Variants in CCDC91 observed in about 807,000 individuals in gnomAD.
CCDC91 encodes coiled-coil domain containing 91.
In CCDC91, 48 loss-of-function variants were observed where a neutral mutation model predicts 63.2. That is an observed-to-expected ratio of 0.76 (90% CI 0.60 to 0.97). The LOEUF (loss-of-function observed/expected upper bound fraction) is 0.97. CCDC91 is among the 50% of genes least tolerant of loss of function. The pLI, the probability that CCDC91 is intolerant of heterozygous loss-of-function variation, is 0.00. For synonymous variants in CCDC91, 167 were observed against 165.8 expected, an observed-to-expected ratio of 1.01 and a Z score of -0.06; for missense variants, 500 against 494.6, an observed-to-expected ratio of 1.01 and a Z score of -0.10.
At chr12:28,402,074 C>G (rs1411498919) in intron 8 of CCDC91, among the ~76,000 whole-genome samples, 2 of 152,010 alleles carry the variant, frequency 1.3e-5, no homozygotes, top group East Asian at 1.9e-4. Flanking sequence ...TCTAGTATTT[C>G]TCAGCATTGG....
At chr12:28,325,271 A>G (rs1314901061) in intron 6 of CCDC91, among the ~76,000 whole-genome samples, 1 of 152,086 alleles carries the variant, frequency 6.6e-6, no homozygotes, top group African/African-American at 2.4e-5. Context: ...TTATGTAAGA[A>G]AAAGTTGCTC....
In CCDC91 at chr12:28,476,663, A is replaced by G. The variant is rs200997870; in HGVS notation, c.1102-7389A>G. Among the ~76,000 whole-genome samples the G allele has an allele frequency of 2.6e-5, 4 of 152,302 alleles. No homozygotes were observed. The East Asian group carries it at 5.8e-4, about 22-fold the overall frequency. On this transcript the variant is annotated intron_variant, in intron 11 of 12. Transcript: ENST00000536442. Reference sequence around the variant, plus strand: ...ATAGAAACACAAAAAACCCTTCAAAAAATCAATGCATCCAGGAGCTTGTTT... The same window carrying G: ...ATAGAAACACAAAAAACCCTTCAAAGAATCAATGCATCCAGGAGCTTGTTT...
At chr12:28,213,797 T>C (rs2135552562) in intron 1 of CCDC91, among the ~76,000 whole-genome samples, 1 of 152,250 alleles carries the variant, frequency 6.6e-6, no homozygotes, top group South Asian at 2.1e-4. Flanking sequence ...AATTGACTGG[T>C]CTTAAGATGG....
intron 1 of CCDC91, among the ~76,000 whole-genome samples, chr12:28,255,207 G>GGT (rs1946367637): frequency 6.6e-6 from 1 of 151,978 alleles, no homozygotes. Flanking sequence ...GTTAGATGTG[G>GGT]GTATTTGTTT....
At chr12:28,350,856 TATAAGGGAATCAGTC>T (rs1470885928) in intron 6 of CCDC91, among the ~76,000 whole-genome samples, 1 of 152,150 alleles carries the variant, frequency 6.6e-6, no homozygotes, top group Non-Finnish European at 1.5e-5. Context: ...TCTTTTCTCT[TATAAGGGAATCAGTC>T]ATTGAATTTA....
Position 28,467,773 on chromosome 12 carries a change from GA to G in CCDC91, c.1101+15121del, listed in dbSNP as rs561042700. Among the ~76,000 whole-genome samples, 24 of 151,998 alleles carry G rather than the reference GA, an allele frequency of 1.6e-4. 1 individual carries two copies. Among genetic ancestry groups the G allele is most frequent in the Middle Eastern group, 3.4e-3 (1 of 294 alleles). On this transcript the variant is annotated intron_variant, in intron 11 of 12. Transcript: ENST00000536442. ...TAATATCAAGCATCTTCTCTGACCA[GA>G]ATGGAATAAAACTAGAAATCAATAA...
intron 3 of CCDC91, among the ~76,000 whole-genome samples, chr12:28,260,345 A>G (rs371737577): frequency 6.6e-6 from 1 of 151,986 alleles, no homozygotes; most frequent in African/African-American, 2.4e-5. Flanking sequence ...TATAATTTCA[A>G]TAGGCAGATA....
intron 7 of CCDC91, among the ~76,000 whole-genome samples, chr12:28,376,554 G>T (rs1433168435): frequency 3.3e-5 from 5 of 151,752 alleles, no homozygotes; most frequent in Admixed American, 6.6e-5. Flanking sequence ...TATAGTGCAG[G>T]ATTGGTATAA....
intron 11 of CCDC91, among the ~76,000 whole-genome samples, chr12:28,471,440 C>A (rs749512421): frequency 2.6e-5 from 4 of 152,026 alleles, no homozygotes; most frequent in Non-Finnish European, 5.9e-5. Context: ...AAAGGGTAAA[C>A]CAAGAAGAAA....
At chr12:28,366,077 CTT>C (rs1484533688) in intron 7 of CCDC91, among the ~76,000 whole-genome samples, 2 of 152,024 alleles carry the variant, frequency 1.3e-5, no homozygotes, top group Non-Finnish European at 2.9e-5. Flanking sequence ...AGGAAGATAA[CTT>C]ATGTTTGTAT....
chr12:28,532,606 T>C (rs1422836660), intron 12 of CCDC91, among the ~76,000 whole-genome samples: 2 of 152,020 alleles, frequency 1.3e-5, no homozygotes, highest in African/African-American at 4.8e-5. Context: ...TATATATTTT[T>C]TAAATAAGTG....
intron 3 of CCDC91, among the ~76,000 whole-genome samples, chr12:28,278,811 TA>T (rs1212520656): frequency 6.6e-6 from 1 of 152,098 alleles, no homozygotes; most frequent in Non-Finnish European, 1.5e-5. Flanking sequence ...CATTAACAGC[TA>T]TGTAACCTTG....
chr12:28,274,141 G>T (rs1285360968), intron 3 of CCDC91, among the ~76,000 whole-genome samples: 1 of 151,946 alleles, frequency 6.6e-6, no homozygotes, highest in African/African-American at 2.4e-5. Context: ...GTCAAAGATC[G>T]GATAGTTGTA....
chr12:28,377,789 A>C (rs1324672726), intron 7 of CCDC91, among the ~76,000 whole-genome samples: 4 of 151,934 alleles, frequency 2.6e-5, no homozygotes, highest in African/African-American at 9.7e-5. Context: ...CAGACACACA[A>C]ACTCATTTTG....
chr12:28,202,473 G>T (rs1413484325), intron 1 of CCDC91, among the ~76,000 whole-genome samples: 1 of 141,996 alleles, frequency 7.0e-6, no homozygotes, highest in Non-Finnish European at 1.6e-5. Flanking sequence ...AACTCTTTAT[G>T]TAAACTTTGT....
intron 6 of CCDC91, among the ~76,000 whole-genome samples, chr12:28,336,174 A>T (rs1467461578): frequency 6.6e-6 from 1 of 152,086 alleles, no homozygotes; most frequent in African/African-American, 2.4e-5. Flanking sequence ...CAGGGCCCTA[A>T]TTCAGAAGAA....
At chr12:28,424,692 A>G (rs1272218355) in intron 8 of CCDC91, among the ~76,000 whole-genome samples, 2 of 152,150 alleles carry the variant, frequency 1.3e-5, no homozygotes, top group Non-Finnish European at 2.9e-5. Context: ...TGGGTAGAAC[A>G]CATTTCTTTC....
At chr12:28,443,194 T>C (rs1408914499) in intron 8 of CCDC91, among the ~76,000 whole-genome samples, 3 of 150,100 alleles carry the variant, frequency 2.0e-5, no homozygotes, top group African/African-American at 7.4e-5. Context: ...CTAATTCTTC[T>C]CCCTTAATAG....
At chr12:28,328,432 A>G (rs968473728) in intron 6 of CCDC91, among the ~76,000 whole-genome samples, 20 of 152,204 alleles carry the variant, frequency 1.3e-4, no homozygotes, top group African/African-American at 4.8e-4. Flanking sequence ...CAAGAAAAAA[A>G]TAAGTCTGTA....
Sources: gnomAD v4.1 joint callset for allele counts (sites outside exome capture counted in the v4.1 genomes callset) on GRCh38, gnomAD v4.1.1 for gene constraint, MANE v1.5 for transcripts, NCBI Gene and HGNC (gene_info 2026-07-23, HGNC 2026-07-21) for gene names.